The following HAPLN1 variants were observed in gnomAD, a reference collection of about 807,000 sequenced individuals.
The protein encoded by HAPLN1 is Cartilage link protein.
A neutral mutation model predicts 36.5 loss-of-function variants in HAPLN1; 13 were observed. The ratio of observed to expected loss-of-function variants is 0.36; its 90% CI spans 0.23 to 0.57. HAPLN1 has a LOEUF of 0.57. Ranked by LOEUF, HAPLN1 falls within the 20% of genes least tolerant of loss-of-function variation. The pLI, the probability that HAPLN1 is intolerant of heterozygous loss-of-function variation, is 0.83. For missense variants in HAPLN1, 407 were observed against 439.7 expected (o/e 0.93, Z 0.66); for synonymous variants, 202 against 169.8 (o/e 1.19, Z -1.48).
chr5:83,693,927 T>C (rs1317017349), intron 1 of HAPLN1, among the ~76,000 whole-genome samples: 1 of 151,916 alleles, frequency 6.6e-6, no homozygotes, highest in Non-Finnish European at 1.5e-5. Flanking sequence ...ATAGAAGACT[T>C]GAATACTGTA....
intron 1 of HAPLN1, among the ~76,000 whole-genome samples, chr5:83,696,474 AGAAC>A (rs981642936): frequency 1.3e-4 from 20 of 152,178 alleles, no homozygotes; most frequent in African/African-American, 4.8e-4. Context: ...TACAAAAGAA[AGAAC>A]AAAGTTGAAA....
At chr5:83,691,151 A>G (rs976674966) in intron 1 of HAPLN1, among the ~76,000 whole-genome samples, 3 of 152,204 alleles carry the variant, frequency 2.0e-5, no homozygotes, top group Middle Eastern at 3.4e-3. Flanking sequence ...GTTTTCATAC[A>G]GTACAGGAAG....
chr5:83,646,520 T>C (rs922570453), intron 3 of HAPLN1, among the ~76,000 whole-genome samples: 12 of 152,182 alleles, frequency 7.9e-5, no homozygotes, highest in Non-Finnish European at 1.6e-4. Context: ...AAGGCCTCGG[T>C]AGGACACGTT....
intron 2 of HAPLN1, among the ~76,000 whole-genome samples, chr5:83,667,328 T>C (rs1750579851): frequency 6.6e-6 from 1 of 152,158 alleles, no homozygotes; most frequent in African/African-American, 2.4e-5. Flanking sequence ...TCATTTTTGG[T>C]TTCATGCCCT....
intron 1 of HAPLN1, chr5:83,703,525 T>C (rs905945116): frequency 3.9e-5 from 6 of 152,076 alleles, no homozygotes; most frequent in African/African-American, 1.4e-4. Context: ...CACAAATTAG[T>C]AAAGTGTTCC....
At chr5:83,680,341 T>G (rs1750968852) in intron 1 of HAPLN1, among the ~76,000 whole-genome samples, 1 of 152,208 alleles carries the variant, frequency 6.6e-6, no homozygotes, top group African/African-American at 2.4e-5. Context: ...GTCCACAGCC[T>G]TTAATCAAAT....
chr5:83,667,994 A>G (rs1449736234), intron 2 of HAPLN1, among the ~76,000 whole-genome samples: 1 of 152,232 alleles, frequency 6.6e-6, no homozygotes, highest in East Asian at 1.9e-4. Flanking sequence ...GCTGCTTCTC[A>G]TTCCATGAAT....
At position 83,638,151 on chromosome 5, in the gene HAPLN1, A is replaced by C. The variant is rs1163113623; in HGVS notation, c.*3345T>G. On this transcript the variant is annotated 3_prime_UTR_variant, in exon 5 of 5. Coordinates refer to ENST00000274341, the MANE Select transcript of HAPLN1 (RefSeq NM_001884.4). ...ATAATGTATTGACAGAGTTTGACAC[A>C]AAGAAAAATAGCTAAGATTCTACAA... is the stretch of plus-strand genomic sequence containing the variant. 3 of 152,020 alleles carry C rather than the reference A, an allele frequency of 2.0e-5. No homozygotes were observed. The highest frequency in any genetic ancestry group is 1.3e-4 in the Admixed American group (2 of 15,266). The allele number at this position is 152,020 out of a possible 1,614,324, so 9.4% of individuals were successfully genotyped here. A position where few individuals can be genotyped will look rare whatever the true frequency, so the allele number is the denominator to read the frequency against.
chr5:83,644,757 C>A, intron 3 of HAPLN1, 92 bp from the exon 4 acceptor site: 1 of 914,358 alleles, frequency 1.1e-6, no homozygotes. Context: ...CCTAACAGAC[C>A]CTCCATCAGA....
At position 83,641,760 on chromosome 5, in the gene HAPLN1, G is replaced by A; in HGVS notation, c.801C>T (p.Pro267=). 1 of 1,614,054 alleles carries A rather than the reference G, an allele frequency of 6.2e-7. No individual in the cohort carries two copies. Among genetic ancestry groups the A allele is most frequent in the Non-Finnish European group, 8.5e-7 (1 of 1,179,942 alleles). The change falls in exon 5 of 5, where the codon CCC becomes CCT. Residue 267 remains proline, a synonymous_variant. Transcript: ENST00000274341. ...FNGRFYYLIH[P]TKLTYDEAVQ... is the part of the protein sequence containing the mutation. The stretch of plus-strand genomic sequence containing the variant: ...CCGCTTCATCATAGGTCAGTTTGGT[G>A]GGGTGGATCAGATAGTAAAAACGGC...
At chr5:83,703,355 T>C (rs1751553814) in intron 1 of HAPLN1, 1 of 152,204 alleles carries the variant, frequency 6.6e-6, no homozygotes, top group Non-Finnish European at 1.5e-5. Context: ...ATTTTAGTCA[T>C]TACATTGTTT....
intron 1 of HAPLN1, among the ~76,000 whole-genome samples, chr5:83,677,850 C>A (rs1357015862): frequency 6.6e-6 from 1 of 152,188 alleles, no homozygotes; most frequent in Admixed American, 6.5e-5. Flanking sequence ...TCAAGGACAT[C>A]TCCATCTCAG....
intron 2 of HAPLN1, among the ~76,000 whole-genome samples, chr5:83,657,752 GTGT>G (rs1025259202): frequency 7.9e-5 from 12 of 151,500 alleles, no homozygotes; most frequent in African/African-American, 2.9e-4. Flanking sequence ...TTTTCCACTG[GTGT>G]ATGGATGAAC....
intron 2 of HAPLN1, among the ~76,000 whole-genome samples, chr5:83,662,163 A>G (rs1395816135): frequency 6.6e-6 from 1 of 152,170 alleles, no homozygotes; most frequent in Non-Finnish European, 1.5e-5. Context: ...TCGGCCTCCC[A>G]AAGTGCTGGG....
intron 1 of HAPLN1, among the ~76,000 whole-genome samples, chr5:83,696,212 A>G (rs1372028239): frequency 6.6e-6 from 1 of 152,136 alleles, no homozygotes; most frequent in African/African-American, 2.4e-5. Flanking sequence ...CAAATATGCA[A>G]ATTGTACTCT....
intron 1 of HAPLN1, among the ~76,000 whole-genome samples, chr5:83,692,713 G>A (rs1257379571): frequency 2.0e-5 from 3 of 151,828 alleles, no homozygotes; most frequent in Non-Finnish European, 4.4e-5. Flanking sequence ...CTAACTATAA[G>A]TAAGCACATT....
At chr5:83,703,936 C>T (rs982435860) in intron 1 of HAPLN1, among the ~76,000 whole-genome samples, 5 of 151,524 alleles carry the variant, frequency 3.3e-5, no homozygotes, top group African/African-American at 1.2e-4. Context: ...ATCCTAAAGA[C>T]ACATGATCAT....
intron 4 of HAPLN1, among the ~76,000 whole-genome samples, chr5:83,643,711 C>G (rs1354475444): frequency 1.3e-5 from 2 of 152,162 alleles, no homozygotes; most frequent in African/African-American, 4.8e-5. Flanking sequence ...CTAGGCCTCC[C>G]AAAGTGCTGG....
chr5:83,666,159 CAA>C (rs1167778591), intron 2 of HAPLN1, among the ~76,000 whole-genome samples: 1 of 151,964 alleles, frequency 6.6e-6, no homozygotes, highest in Non-Finnish European at 1.5e-5. Context: ...GTTTGTATTC[CAA>C]AAGACTCTTC....
Sources: allele counts gnomAD v4.1 joint callset (sites outside exome capture counted in the v4.1 genomes callset), GRCh38; gene constraint gnomAD v4.1.1; transcripts MANE v1.5; gene names NCBI Gene and HGNC (gene_info 2026-07-23, HGNC 2026-07-21).